DLGAP1: variants seen among roughly 807,000 people sequenced by gnomAD.
DLGAP1 encodes the protein DLG associated protein 1.
Under a neutral mutation model 90.8 loss-of-function variants are expected in DLGAP1, and 11 were observed. The ratio of observed to expected loss-of-function variants is 0.12; its 90% CI spans 0.08 to 0.20. The LOEUF (loss-of-function observed/expected upper bound fraction) is 0.20, where lower values mean the gene tolerates loss of function less well. Among genes scored for constraint, DLGAP1 ranks in the 10% least tolerant of loss-of-function variants. The pLI is 1.00. For missense variants in DLGAP1, 1,050 were observed against 1,333.8 expected, an observed-to-expected ratio of 0.79 and a Z score of 3.31; for synonymous variants, 558 against 540.7, an observed-to-expected ratio of 1.03 and a Z score of -0.44.
intron 5 of DLGAP1, among the ~76,000 whole-genome samples, chr18:3,806,548 A>G (rs1450529308): frequency 1.3e-5 from 2 of 152,224 alleles, no homozygotes; most frequent in Non-Finnish European, 1.5e-5. Context: ...GCATGAATAA[A>G]TGAGTGAGTG....
intron 4 of DLGAP1, among the ~76,000 whole-genome samples, chr18:3,822,728 T>C (rs1034752878): frequency 5.3e-5 from 8 of 152,092 alleles, no homozygotes; most frequent in Non-Finnish European, 1.0e-4. Context: ...AGGTCTGCAG[T>C]CCCCAAGGGA....
intron 7 of DLGAP1, among the ~76,000 whole-genome samples, chr18:3,600,677 T>G (rs558269357): frequency 9.3e-5 from 13 of 139,446 alleles, no homozygotes; most frequent in African/African-American, 3.0e-4. Flanking sequence ...GATCTATAGA[T>G]ATCTATAGAG....
At chr18:4,236,089 C>G (rs2078409143) in intron 1 of DLGAP1, among the ~76,000 whole-genome samples, 1 of 152,150 alleles carries the variant, frequency 6.6e-6, no homozygotes, top group Admixed American at 6.6e-5. Context: ...GGGTTCAAAT[C>G]TTGCCTCAGC....
chr18:3,633,329 G>C (rs948599836), intron 7 of DLGAP1, among the ~76,000 whole-genome samples: 6 of 148,440 alleles, frequency 4.0e-5, no homozygotes, highest in Non-Finnish European at 8.9e-5. Flanking sequence ...CTTGAACCCA[G>C]AAAGCAGAGG....
chr18:4,071,474 TCAAGCACAACTAAC>T (rs68135862), intron 2 of DLGAP1, among the ~76,000 whole-genome samples: 18,488 of 152,222 alleles, frequency 0.12, 1,179 homozygotes, highest in Non-Finnish European at 0.15. Flanking sequence ...TTTAATGATT[TCAAGCACAACTAAC>T]CAAATCTCCG....
intron 5 of DLGAP1, among the ~76,000 whole-genome samples, chr18:3,779,747 A>G (rs1311333647): frequency 6.7e-6 from 1 of 148,962 alleles, no homozygotes; most frequent in Non-Finnish European, 1.5e-5. Context: ...GCTATTATAT[A>G]GAGTGGTCAG....
chr18:3,766,245 T>C lies in DLGAP1; in HGVS notation c.1173-23733A>G, dbSNP rs1489791999. 2.0e-5 allele frequency among the ~76,000 whole-genome samples: 3 copies of C among 152,184 alleles called. 1 individual carries two copies. Among genetic ancestry groups the C allele is most frequent in the African/African-American group, 7.2e-5 (3 of 41,416 alleles). On this transcript the variant is annotated intron_variant, in intron 5 of 12. Coordinates refer to ENST00000315677, the MANE Select transcript of DLGAP1 (RefSeq NM_004746.4). ...AAGTCAGAGATAGGGAAGTACATTA[T>C]ATAATGATATATCATGGGTTAATTC...
At chr18:4,352,490 T>A (rs1315260653) in intron 1 of DLGAP1, among the ~76,000 whole-genome samples, 2 of 152,078 alleles carry the variant, frequency 1.3e-5, no homozygotes, top group African/African-American at 2.4e-5. Context: ...TTGTGGGGGA[T>A]ACAGGTATAC....
intron 4 of DLGAP1, among the ~76,000 whole-genome samples, chr18:3,836,864 T>C (rs2068417324): frequency 2.0e-5 from 3 of 152,236 alleles, no homozygotes. Flanking sequence ...GCAGGGATTT[T>C]GTGTTTTCTT....
chr18:4,393,309 C>A (rs1356638927), intron 1 of DLGAP1, among the ~76,000 whole-genome samples: 1 of 152,014 alleles, frequency 6.6e-6, no homozygotes, highest in Non-Finnish European at 1.5e-5. Context: ...GTACTCCATG[C>A]CTCTCTCTCT....
chr18:3,677,192 T>C (rs1045261379), intron 7 of DLGAP1, among the ~76,000 whole-genome samples: 2 of 152,188 alleles, frequency 1.3e-5, no homozygotes, highest in Admixed American at 1.3e-4. Context: ...AGTTGAGGAA[T>C]TGAACCACCA....
intron 1 of DLGAP1, among the ~76,000 whole-genome samples, chr18:4,418,143 C>T (rs11081107): frequency 0.062 from 9,372 of 152,124 alleles, 927 homozygotes; most frequent in African/African-American, 0.21. Flanking sequence ...ACACACTTCA[C>T]ACCTAACCCA....
chr18:3,591,312 G>A (rs1426562580), intron 7 of DLGAP1, among the ~76,000 whole-genome samples: 2 of 152,140 alleles, frequency 1.3e-5, no homozygotes, highest in African/African-American at 4.8e-5. Context: ...TTCTATTGTA[G>A]AAATACAGAA....
chr18:4,030,096 G>A (rs147976676), intron 2 of DLGAP1, among the ~76,000 whole-genome samples: 5,652 of 152,198 alleles, frequency 0.037, 352 homozygotes, highest in African/African-American at 0.12. Flanking sequence ...GGATTCAAGC[G>A]ATTCTCCTGC....
chr18:4,310,013 G>A (rs1382036452), intron 1 of DLGAP1, among the ~76,000 whole-genome samples: 1 of 152,164 alleles, frequency 6.6e-6, no homozygotes, highest in African/African-American at 2.4e-5. Flanking sequence ...GGCTAGACTT[G>A]AGGACTAAAT....
At chr18:3,751,417 C>G (rs116365585) in intron 5 of DLGAP1, among the ~76,000 whole-genome samples, 1,992 of 152,144 alleles carry the variant, frequency 0.013, 50 homozygotes, top group African/African-American at 0.045. Flanking sequence ...TCATTTCAGT[C>G]TCCTGAGTAG....
intron 2 of DLGAP1, among the ~76,000 whole-genome samples, chr18:4,021,551 C>T (rs1285065019): frequency 6.6e-6 from 1 of 152,164 alleles, no homozygotes; most frequent in Non-Finnish European, 1.5e-5. Context: ...AACTCCTCTT[C>T]TTTGTAAAAT....
chr18:4,060,206 C>T (rs34422587), intron 2 of DLGAP1, among the ~76,000 whole-genome samples: 16,708 of 152,204 alleles, frequency 0.11, 1,008 homozygotes, highest in Non-Finnish European at 0.14. Flanking sequence ...CCAAGGGCAA[C>T]TCTGGAGTTG....
chr18:4,400,833 T>A (rs16946657), intron 1 of DLGAP1, among the ~76,000 whole-genome samples: 14,742 of 152,072 alleles, frequency 0.097, 1,314 homozygotes, highest in African/African-American at 0.24. Context: ...ATGGCTGGGG[T>A]TCACCCTTTA....
Sources: gnomAD v4.1 joint callset for allele counts (sites outside exome capture counted in the v4.1 genomes callset) on GRCh38, gnomAD v4.1.1 for gene constraint, MANE v1.5 for transcripts, NCBI Gene and HGNC (gene_info 2026-07-23, HGNC 2026-07-21) for gene names.